The following CSMD1 variants were observed in gnomAD, a reference collection of about 807,000 sequenced individuals.
CSMD1 encodes CUB and sushi domain-containing protein 1.
CSMD1 carries 213 observed loss-of-function variants against 417.5 expected under a neutral mutation model. The observed-to-expected ratio is 0.51, with a 90% confidence interval of 0.46 to 0.57. The LOEUF is 0.57. Among genes scored for constraint, CSMD1 ranks in the 20% least tolerant of loss-of-function variants. The probability of loss-of-function intolerance (pLI) is 0.00; values close to 1 mark genes in which losing one functional copy is unlikely to be tolerated. For synonymous variants in CSMD1, 2,862 were observed against 1,736.8 expected (o/e 1.65, Z -16.11); for missense variants, 6,923 against 4,529.7 (o/e 1.53, Z -15.17).
chr8:3,691,327 A>G (rs1367808972), intron 7 of CSMD1, among the ~76,000 whole-genome samples: 1 of 152,076 alleles, frequency 6.6e-6, no homozygotes, highest in Non-Finnish European at 1.5e-5. Flanking sequence ...GGATCGTGCC[A>G]CTGCACTCCA....
At chr8:4,417,591 G>T (rs548494414) in intron 3 of CSMD1, among the ~76,000 whole-genome samples, 4 of 151,818 alleles carry the variant, frequency 2.6e-5, no homozygotes, top group African/African-American at 4.8e-5. Flanking sequence ...ATACGTCTTG[G>T]ATTATACATC....
intron 2 of CSMD1, among the ~76,000 whole-genome samples, chr8:4,559,144 G>A (rs6992238): frequency 6.6e-6 from 1 of 152,088 alleles, no homozygotes; most frequent in Non-Finnish European, 1.5e-5. Context: ...CCCTTGCTTG[G>A]AATCAAGATC....
intron 5 of CSMD1, among the ~76,000 whole-genome samples, chr8:3,874,459 C>T (rs1236491705): frequency 6.6e-6 from 1 of 152,160 alleles, no homozygotes; most frequent in Non-Finnish European, 1.5e-5. Context: ...AAAGCTCAGA[C>T]TTCAGTGCTT....
chr8:3,057,599 T>G (rs1812319364), intron 49 of CSMD1, among the ~76,000 whole-genome samples: 1 of 152,168 alleles, frequency 6.6e-6, no homozygotes, highest in African/African-American at 2.4e-5. Context: ...TTTACTTAAT[T>G]TTCACTACAA....
chr8:4,718,066 C>G (rs891234062), intron 1 of CSMD1, among the ~76,000 whole-genome samples: 9 of 152,184 alleles, frequency 5.9e-5, no homozygotes, highest in Admixed American at 5.2e-4. Flanking sequence ...CAGCCTCTAC[C>G]TCCCTGGATC....
intron 4 of CSMD1, among the ~76,000 whole-genome samples, chr8:4,015,612 C>G (rs953084489): frequency 6.9e-6 from 1 of 144,856 alleles, no homozygotes; most frequent in African/African-American, 2.6e-5. Flanking sequence ...ATCATTCAGT[C>G]TCCAAGAAAT....
rs1000990103 is a variant in CSMD1, at chr8:3,189,880, C to A, written c.5398+32G>T. ...AACTCTTTGGCACCACCACAGAGTT[C>A]TGGCGGGCAGCCGCTTAGGGACACT... is the stretch of plus-strand genomic sequence containing the variant. On this transcript the variant is annotated intron_variant, in intron 34 of 69. Coordinates refer to ENST00000635120, the MANE Select transcript of CSMD1 (RefSeq NM_033225.6). 1.5e-5 allele frequency: 23 copies of A among 1,538,094 alleles called. No homozygotes were observed. In the African/African-American group the frequency reaches 2.9e-4, roughly 19 times the overall value.
At chr8:4,601,599 T>C (rs756605814) in intron 2 of CSMD1, among the ~76,000 whole-genome samples, 1 of 152,168 alleles carries the variant, frequency 6.6e-6, no homozygotes, top group Non-Finnish European at 1.5e-5. Flanking sequence ...GTTCAGTACT[T>C]TCCTGCCAGC....
chr8:4,676,747 T>C (rs1284347946), intron 1 of CSMD1, among the ~76,000 whole-genome samples: 1 of 151,966 alleles, frequency 6.6e-6, no homozygotes, highest in Non-Finnish European at 1.5e-5. Context: ...CTCCTGCCCT[T>C]AGTTTGTTCT....
At chr8:3,550,175 G>C (rs922312361) in intron 10 of CSMD1, among the ~76,000 whole-genome samples, 3 of 152,166 alleles carry the variant, frequency 2.0e-5, no homozygotes, top group Admixed American at 6.5e-5. Context: ...TTCACCTTTT[G>C]ATCCCGATTC....
intron 47 of CSMD1, among the ~76,000 whole-genome samples, chr8:3,092,580 C>T (rs2129008835): frequency 6.6e-6 from 1 of 152,196 alleles, no homozygotes; most frequent in African/African-American, 2.4e-5. Flanking sequence ...TTTGACAAAG[C>T]CCTGAAATTC....
At chr8:3,695,204 G>C (rs1355173929) in intron 7 of CSMD1, among the ~76,000 whole-genome samples, 1 of 151,702 alleles carries the variant, frequency 6.6e-6, no homozygotes. Flanking sequence ...TGAAAACCAG[G>C]TTTATCTTAT....
intron 5 of CSMD1, among the ~76,000 whole-genome samples, chr8:3,924,499 G>C (rs913514966): frequency 2.0e-5 from 3 of 152,004 alleles, no homozygotes; most frequent in Admixed American, 6.6e-5. Flanking sequence ...TACATATATT[G>C]ATTCACTTGA....
rs115428600 is a variant in CSMD1 at position 4,817,728 on chromosome 8, G to C, written c.85+176604C>G. Among the ~76,000 whole-genome samples, 598 of 152,302 alleles carry C rather than the reference G, an allele frequency of 3.9e-3. 7 individuals are homozygous for C. Among genetic ancestry groups the C allele is most frequent in the African/African-American group, 0.013 (551 of 41,566 alleles). On this transcript the variant is annotated intron_variant, in intron 1 of 69. Coordinates refer to ENST00000635120, the MANE Select transcript of CSMD1 (RefSeq NM_033225.6). Reference sequence around the variant, plus strand: ...TTTAAATTGCATAATTTTGTTTGTAGTCGAATTAATATAATGCAGCTATCA... The same window carrying C: ...TTTAAATTGCATAATTTTGTTTGTACTCGAATTAATATAATGCAGCTATCA...
chr8:3,637,066 C>T (rs1797086941), intron 7 of CSMD1, among the ~76,000 whole-genome samples: 1 of 152,124 alleles, frequency 6.6e-6, no homozygotes, highest in African/African-American at 2.4e-5. Context: ...AATCAGGATC[C>T]TCATGCTTGA....
At chr8:3,994,387 T>A (rs1433499320) in intron 5 of CSMD1, among the ~76,000 whole-genome samples, 1 of 151,428 alleles carries the variant, frequency 6.6e-6, no homozygotes. Context: ...GAAATCAATT[T>A]TCTTTCTTCT....
At chr8:4,354,120 G>A (rs573503023) in intron 3 of CSMD1, among the ~76,000 whole-genome samples, 10 of 152,064 alleles carry the variant, frequency 6.6e-5, no homozygotes, top group Admixed American at 2.0e-4. Flanking sequence ...GCCCAAGAAC[G>A]CGCCTGAAAG....
At chr8:4,553,533 A>C (rs933309816) in intron 2 of CSMD1, among the ~76,000 whole-genome samples, 2 of 149,666 alleles carry the variant, frequency 1.3e-5, no homozygotes, top group African/African-American at 4.9e-5. Flanking sequence ...GATGTTCTTT[A>C]TGTGATTTTT....
intron 6 of CSMD1, among the ~76,000 whole-genome samples, chr8:3,734,773 A>C (rs1422877335): frequency 1.3e-5 from 2 of 152,188 alleles, no homozygotes; most frequent in Admixed American, 1.3e-4. Context: ...CTGTAATCAG[A>C]TCTCTCTGCT....
Sources: allele counts gnomAD v4.1 joint callset (sites outside exome capture counted in the v4.1 genomes callset), GRCh38; gene constraint gnomAD v4.1.1; transcripts MANE v1.5; gene names NCBI Gene and HGNC (gene_info 2026-07-23, HGNC 2026-07-21).